Variants in GABRR2 observed in about 807,000 individuals in gnomAD.
GABRR2 encodes the protein gamma-aminobutyric acid type A receptor subunit rho2.
A neutral mutation model predicts 47.0 loss-of-function variants in GABRR2; 36 were observed. The ratio of observed to expected loss-of-function variants is 0.77; its 90% CI spans 0.59 to 1.01. GABRR2 has a LOEUF of 1.01. Ranked by LOEUF, GABRR2 falls within the 50% of genes least tolerant of loss-of-function variation. GABRR2 has a pLI of 0.00. For synonymous variants in GABRR2, 204 were observed against 227.5 expected (o/e 0.90, Z 0.93); for missense variants, 587 against 594.6 (o/e 0.99, Z 0.13).
chr6:89,294,783 C>G (rs1383544161), intron 2 of GABRR2, among the ~76,000 whole-genome samples: 1 of 112,758 alleles, frequency 8.9e-6, no homozygotes, highest in Non-Finnish European at 1.8e-5. Context: ...AATGCTATCC[C>G]TCCCCCCTCC....
rs1773586661 is a variant in GABRR2 at position 89,255,692 on chromosome 6, C to T, written c.*1978G>A. 6.6e-6 allele frequency among the ~76,000 whole-genome samples: 1 copy of T among 152,104 alleles called. No individual in the cohort carries two copies. On this transcript the variant is annotated 3_prime_UTR_variant, in exon 9 of 9. Transcript: ENST00000402938. ...CCTAGGATCCTGCCAAAATGAATGA[C>T]TTGCCCACAAACCCTGTTCTCTGCA...
At position 89,257,999 on chromosome 6, in the gene GABRR2, A is replaced by G. The variant is rs369084923; in HGVS notation, c.1087-18T>C. ...CACGGGAACTATGGGCAGCAAGCAC[A>G]AAGAACATCATTAAGCCTTGTGAGG... On this transcript the variant is annotated intron_variant, in intron 8 of 8. Transcript: ENST00000402938. 2.5e-6 allele frequency: 4 copies of G among 1,607,002 alleles called. No homozygotes were observed. Among genetic ancestry groups the G allele is most frequent in the Non-Finnish European group, 3.4e-6 (4 of 1,176,486 alleles).
rs1773880420 is a variant in GABRR2 at position 89,265,774 on chromosome 6, T to G, written c.737-9A>C. 1 of 1,613,304 alleles carries G rather than the reference T, an allele frequency of 6.2e-7. No individual in the cohort carries two copies. The highest frequency in any genetic ancestry group is 8.5e-7 in the Non-Finnish European group (1 of 1,179,668). ...CAGACGGTTGTACCAGCCTAGGGGA[T>G]GCAGGAAGAAGCCAATGAGGTTCCA... On this transcript the variant is annotated splice_polypyrimidine_tract_variant and intron_variant, in intron 6 of 8. Transcript: ENST00000402938.
At chr6:89,278,990 G>A (rs185242809) in intron 2 of GABRR2, among the ~76,000 whole-genome samples, 111 of 152,332 alleles carry the variant, frequency 7.3e-4, no homozygotes, top group Non-Finnish European at 1.4e-3. Context: ...CTCTCCAGTG[G>A]TTGAGGGGCC....
At chr6:89,260,986 A>G (rs1362616588) in intron 8 of GABRR2, among the ~76,000 whole-genome samples, 1 of 152,214 alleles carries the variant, frequency 6.6e-6, no homozygotes. Context: ...ACGAGCTCTC[A>G]CCTCAGGATG....
chr6:89,271,789 A>T, intron 2 of GABRR2, 67 bp from the exon 3 acceptor site: 1 of 1,421,390 alleles, frequency 7.0e-7, no homozygotes, highest in East Asian at 2.4e-5. Flanking sequence ...GAACAGCCCC[A>T]GTTGGCTTCC....
At chr6:89,281,259 T>C (rs1034677160) in intron 2 of GABRR2, among the ~76,000 whole-genome samples, 8 of 152,230 alleles carry the variant, frequency 5.3e-5, no homozygotes, top group African/African-American at 1.9e-4. Context: ...GAGGAGCAAC[T>C]GACTCTGTTT....
chr6:89,298,991 A>G (rs1176661984), intron 2 of GABRR2, among the ~76,000 whole-genome samples: 1 of 152,154 alleles, frequency 6.6e-6, no homozygotes, highest in African/African-American at 2.4e-5. Context: ...TGGCACCTTG[A>G]TCTTACTTCC....
At chr6:89,302,639 G>C in intron 1 of GABRR2, 2 of 1,273,790 alleles carry the variant, frequency 1.6e-6, no homozygotes, top group South Asian at 2.3e-5. Flanking sequence ...TCACCCCTCA[G>C]ATGTTTGATG....
chr6:89,258,727 T>TA (rs1455586865), intron 8 of GABRR2, among the ~76,000 whole-genome samples: 54 of 141,282 alleles, frequency 3.8e-4, no homozygotes, highest in African/African-American at 1.2e-3. Context: ...TCTCTTTTTT[T>TA]TAAAAAAAAA....
intron 2 of GABRR2, among the ~76,000 whole-genome samples, chr6:89,295,866 A>G (rs927135949): frequency 6.6e-6 from 1 of 152,068 alleles, no homozygotes; most frequent in Non-Finnish European, 1.5e-5. Flanking sequence ...TTTTCCCAGC[A>G]CCATTTATTA....
At chr6:89,310,903 T>C (rs1240854377) in intron 1 of GABRR2, among the ~76,000 whole-genome samples, 3 of 152,156 alleles carry the variant, frequency 2.0e-5, no homozygotes, top group African/African-American at 7.2e-5. Context: ...GAGGAAGCTA[T>C]GATAAGATTC....
intron 1 of GABRR2, chr6:89,302,349 G>A (rs1438306461): frequency 1.1e-5 from 6 of 566,028 alleles, no homozygotes; most frequent in Admixed American, 1.9e-5. Flanking sequence ...TCCACCAGCT[G>A]GTGGAGAATA....
chr6:89,293,343 T>C (rs1407295767), intron 2 of GABRR2, among the ~76,000 whole-genome samples: 1 of 152,136 alleles, frequency 6.6e-6, no homozygotes. Context: ...AGTTTCTGTT[T>C]GGAGAGATGA....
chr6:89,284,585 G>T (rs958112574), intron 2 of GABRR2, among the ~76,000 whole-genome samples: 1 of 152,172 alleles, frequency 6.6e-6, no homozygotes, highest in Non-Finnish European at 1.5e-5. Flanking sequence ...CTGTTGGCTG[G>T]CTTTGACCAC....
chr6:89,299,948 A>C, intron 1 of GABRR2, 83 bp from the exon 2 acceptor site: 2 of 891,882 alleles, frequency 2.2e-6, no homozygotes, highest in Non-Finnish European at 3.7e-6. Context: ...TCCCTGCAAG[A>C]TCTACCTGTT....
Position 89,257,951 on chromosome 6 carries a change from T to C in GABRR2, c.1117A>G (p.Lys373Glu). ...TAGCTTCCATCCAGCATCATGGTTT[T>C]TGAATGAAGCATTCCACACATGCAC... ...FPCMCGMLHS[K>E]TMMLDGSYSE... Residue 373 changes from lysine to glutamate, a missense_variant, in exon 9 of 9, where the codon AAA (lysine) becomes GAA (glutamate). Lys to Glu is a moderately conservative substitution (Grantham distance 56). Transcript: ENST00000402938. 7.4e-6 allele frequency: 12 copies of C among 1,613,878 alleles called. No individual in the cohort carries two copies. Among genetic ancestry groups the C allele is most frequent in the Non-Finnish European group, 1.0e-5 (12 of 1,179,838 alleles).
At position 89,267,705 on chromosome 6, in the gene GABRR2, G is replaced by T; in HGVS notation, c.710C>A (p.Ser237Tyr). 1.2e-6 allele frequency: 2 copies of T among 1,613,844 alleles called. No homozygotes were observed. The highest frequency in any genetic ancestry group is 1.7e-6 in the Non-Finnish European group (2 of 1,179,822). The change falls in exon 6 of 9, where the codon TCC becomes TAC. Residue 237 changes from serine (S) to tyrosine (Y), a missense_variant. Coordinates refer to ENST00000402938, the MANE Select transcript of GABRR2 (RefSeq NM_002043.5). ...QFLIQKFHTT[S>Y]RLAFYSSTGW... Reference sequence around the variant, plus strand: ...AGTGCTGCTGTAGAAGGCCAGCCTGGAAGTTGTGTGAAATTTCTGAATCAG... The same window carrying T: ...AGTGCTGCTGTAGAAGGCCAGCCTGTAAGTTGTGTGAAATTTCTGAATCAG...
chr6:89,305,388 G>A (rs184149164), intron 1 of GABRR2, among the ~76,000 whole-genome samples: 195 of 151,756 alleles, frequency 1.3e-3, no homozygotes, highest in African/African-American at 4.5e-3. Flanking sequence ...CCATAAAAAA[G>A]AATTTGATCA....
Sources: gnomAD v4.1 joint callset for allele counts (sites outside exome capture counted in the v4.1 genomes callset) on GRCh38, gnomAD v4.1.1 for gene constraint, MANE v1.5 for transcripts, NCBI Gene and HGNC (gene_info 2026-07-23, HGNC 2026-07-21) for gene names.